ACTN4: variants seen among roughly 807,000 people sequenced by gnomAD.
The protein encoded by ACTN4 is alpha-actinin-4.
Under a neutral mutation model 114.2 loss-of-function variants are expected in ACTN4, and 18 were observed. That is an observed-to-expected ratio of 0.16 (90% CI 0.11 to 0.23). ACTN4 has a LOEUF of 0.23. Ranked by LOEUF, ACTN4 falls within the 10% of genes least tolerant of loss-of-function variation. The pLI, the probability that ACTN4 is intolerant of heterozygous loss-of-function variation, is 1.00. For missense variants in ACTN4, 722 were observed against 1,262.9 expected (o/e 0.57, Z 6.49); for synonymous variants, 515 against 506.3 (o/e 1.02, Z -0.23).
chr19:38,702,756 C>T (rs1161075783), intron 3 of ACTN4, among the ~76,000 whole-genome samples: 2 of 152,212 alleles, frequency 1.3e-5, no homozygotes, highest in South Asian at 2.1e-4. Context: ...CATATTTCCT[C>T]CTCTCAAAAC....
intron 1 of ACTN4, among the ~76,000 whole-genome samples, chr19:38,690,989 G>C (rs930895791): frequency 2.6e-5 from 4 of 152,238 alleles, no homozygotes; most frequent in African/African-American, 9.6e-5. Context: ...CTATGTGAAA[G>C]GTACCAGTCC....
intron 9 of ACTN4, 39 bp downstream of exon 9, chr19:38,714,600 ATCC>A (rs1968778148): frequency 6.3e-7 from 1 of 1,596,336 alleles, no homozygotes. Flanking sequence ...CCACCTCATT[ATCC>A]TCAGCCAGAG....
In ACTN4 at chr19:38,717,892, T is replaced by C. The variant is rs762497545; in HGVS notation, c.1144-35T>C. The C allele has an allele frequency of 4.0e-5, 62 of 1,564,656 alleles. 1 individual carries two copies. In the South Asian group the frequency reaches 7.3e-4, roughly 18 times the overall value. ...CATCCCCCTGGGTGCCTCCACTTCC[T>C]TGTGATAGCCCTGCCTGCTCCTGCC... On this transcript the variant is annotated intron_variant, in intron 10 of 20. Transcript: ENST00000252699. The surrounding 1 kb of genome is among the most constrained non-coding windows in gnomAD (Gnocchi z 4.0).
intron 1 of ACTN4, among the ~76,000 whole-genome samples, chr19:38,652,033 C>T (rs990245709): frequency 2.6e-5 from 4 of 152,146 alleles, no homozygotes; most frequent in Non-Finnish European, 5.9e-5. Context: ...TGTGCCCTGC[C>T]TTGTTTTTCT....
Position 38,727,755 on chromosome 19 carries a change from A to C in ACTN4, c.2338-191A>C, listed in dbSNP as rs12980399. 0.063 allele frequency: 38,536 copies of C among 609,324 alleles called. 1,447 individuals are homozygous for C. The highest frequency in any genetic ancestry group is 0.1 in the South Asian group (5,254 of 51,362). 37.7% of individuals were successfully genotyped at this position (609,324 alleles called of 1,614,324 possible). A position where few individuals can be genotyped will look rare whatever the true frequency, so the allele number is the denominator to read the frequency against. On this transcript the variant is annotated intron_variant, in intron 18 of 20. Transcript: ENST00000252699. The surrounding 1 kb of genome is among the most constrained non-coding windows in gnomAD (Gnocchi z 5.4). ...TCCTTTGAGCTTCCGAGGTTGGGGA[A>C]AGGATGAAAGGGGCCCGTGCCGCCC...
chr19:38,707,361 C>A (rs1968496051), intron 5 of ACTN4, among the ~76,000 whole-genome samples: 1 of 152,054 alleles, frequency 6.6e-6, no homozygotes, highest in Non-Finnish European at 1.5e-5. Flanking sequence ...CAGCTGTTAG[C>A]ACAGCGGCCA....
chr19:38,708,249 C>T (rs1968525745), intron 6 of ACTN4, 54 bp downstream of exon 6: 3 of 1,576,200 alleles, frequency 1.9e-6, no homozygotes, highest in Non-Finnish European at 2.6e-6. Context: ...GTCTGACCCC[C>T]TAACTCCGGG....
At chr19:38,677,960 C>T (rs1967432337) in intron 1 of ACTN4, among the ~76,000 whole-genome samples, 1 of 152,144 alleles carries the variant, frequency 6.6e-6, no homozygotes, top group Non-Finnish European at 1.5e-5. Flanking sequence ...CTCCTGGCCT[C>T]AAGTCATCTG....
At chr19:38,686,052 C>A (rs1481290866) in intron 1 of ACTN4, among the ~76,000 whole-genome samples, 1 of 152,170 alleles carries the variant, frequency 6.6e-6, no homozygotes, top group African/African-American at 2.4e-5. Context: ...CCAGACACCC[C>A]TTTCCTGTGG....
At position 38,717,289 on chromosome 19, in the gene ACTN4, CA is replaced by C; in HGVS notation, c.1117del (p.Met373CysfsTer30). 6.2e-7 allele frequency: 1 copy of C among 1,614,086 alleles called. No individual in the cohort carries two copies. The highest frequency in any genetic ancestry group is 2.2e-5 in the East Asian group (1 of 44,876). On this transcript the variant is annotated frameshift_variant, in exon 10 of 21. Transcript: ENST00000252699. LOFTEE classifies it high-confidence loss of function. This position sits in a 1 kb window ranked among gnomAD's most constrained non-coding sequence, Gnocchi z 4.0. ...KLRLSNRPAF[M>X]PSEGKMVSDI... ...TGCGCCTCAGCAACCGGCCCGCCTT[CA>C]TGCCCTCCGAGGGCAAGATGGTCTC...
chr19:38,705,134 C>A, intron 4 of ACTN4, 114 bp downstream of exon 4: 1 of 1,022,162 alleles, frequency 9.8e-7, no homozygotes, highest in Non-Finnish European at 1.5e-6. Context: ...GGGTCACTCA[C>A]AGGGCCTGGC....
chr19:38,669,006 C>T (rs897310975), intron 1 of ACTN4, among the ~76,000 whole-genome samples: 4 of 151,710 alleles, frequency 2.6e-5, no homozygotes, highest in Admixed American at 6.6e-5. Flanking sequence ...TTTCTTTTTT[C>T]GAGACAGTCT....
At position 38,729,523 on chromosome 19, in the gene ACTN4, A is replaced by AGAGAGTGCTTTGCAT; in HGVS notation, c.*91_*92insGAGAGTGCTTTGCAT. Reference sequence around the variant, plus strand: ...CCATTCCTCCACTCTGTATCTATGCAAAGCACTCTCTGCAGTCCTCCGGGG... The same window carrying AGAGAGTGCTTTGCAT: ...CCATTCCTCCACTCTGTATCTATGCAGAGAGTGCTTTGCATAAGCACTCTCTGCAGTCCTCCGGGG... On this transcript the variant is annotated 3_prime_UTR_variant, in exon 21 of 21. Transcript: ENST00000252699. 1 of 755,660 alleles carries AGAGAGTGCTTTGCAT rather than the reference A, an allele frequency of 1.3e-6. No individual in the cohort carries two copies. Among genetic ancestry groups the AGAGAGTGCTTTGCAT allele is most frequent in the Non-Finnish European group, 2.0e-6 (1 of 511,342 alleles). The allele number at this position is 755,660 out of a possible 1,614,324, so 46.8% of individuals were successfully genotyped here.
intron 1 of ACTN4, among the ~76,000 whole-genome samples, chr19:38,662,339 A>G (rs914319042): frequency 6.6e-6 from 1 of 152,232 alleles, no homozygotes; most frequent in Admixed American, 6.5e-5. Flanking sequence ...TGGGTTGTCT[A>G]GAGTGAACAT....
intron 1 of ACTN4, among the ~76,000 whole-genome samples, chr19:38,667,647 T>C (rs1020230138): frequency 4.0e-5 from 6 of 151,826 alleles, no homozygotes; most frequent in African/African-American, 1.2e-4. Context: ...CGGTGCCCCA[T>C]TGTTATGAAG....
chr19:38,709,305 G>T, intron 6 of ACTN4, 90 bp from the exon 7 acceptor site: 1 of 977,940 alleles, frequency 1.0e-6, no homozygotes, highest in Non-Finnish European at 1.7e-6. Context: ...CGCCCTCCCG[G>T]GTCTCTCCCT....
intron 1 of ACTN4, among the ~76,000 whole-genome samples, chr19:38,657,769 G>A (rs1976755573): frequency 1.3e-5 from 2 of 152,146 alleles, no homozygotes; most frequent in Non-Finnish European, 2.9e-5. Flanking sequence ...GTTGCCTGAG[G>A]GGGACGTCAC....
intron 1 of ACTN4, among the ~76,000 whole-genome samples, chr19:38,685,893 T>C (rs1447367020): frequency 1.3e-5 from 2 of 152,168 alleles, no homozygotes; most frequent in African/African-American, 4.8e-5. Context: ...ACAAAACCCT[T>C]ACCACGATTA....
chr19:38,726,891 CG>C, intron 17 of ACTN4, 65 bp from the exon 18 acceptor site: 2 of 1,607,192 alleles, frequency 1.2e-6, no homozygotes, highest in Non-Finnish European at 1.7e-6. Context: ...CAGTCCTCCA[CG>C]TGTGAACCAC....
Sources: gnomAD v4.1 joint callset for allele counts (sites outside exome capture counted in the v4.1 genomes callset) on GRCh38, gnomAD v4.1.1 for gene constraint, Gnocchi (gnomAD v3.1) non-coding constraint, MANE v1.5 for transcripts, NCBI Gene and HGNC (gene_info 2026-07-23, HGNC 2026-07-21) for gene names.